ACAD9: variants seen among roughly 807,000 people sequenced by gnomAD.
ACAD9 encodes the protein acyl-CoA dehydrogenase family member 9.
Under a neutral mutation model 70.2 loss-of-function variants are expected in ACAD9, and 53 were observed. The observed-to-expected ratio is 0.75, with a 90% CI of 0.61 to 0.95. ACAD9 has a LOEUF of 0.95. Among genes scored for constraint, ACAD9 ranks in the 40% least tolerant of loss-of-function variants. The pLI is 0.00. For missense variants in ACAD9, 777 were observed against 802.8 expected (o/e 0.97, Z 0.39); for synonymous variants, 313 against 312.1 (o/e 1.00, Z -0.03).
chr3:128,904,383 C>G lies in ACAD9; in HGVS notation c.1030-3C>G. On this transcript the variant is annotated splice_polypyrimidine_tract_variant and splice_region_variant and intron_variant, in intron 10 of 17. Transcript: ENST00000308982. The stretch of plus-strand genomic sequence containing the variant: ...TTTCTTGTGTTTTTTCTGAACACTC[C>G]AGGAGAAATTTGCACTGATGGCTCA... 6.2e-7 allele frequency: 1 copy of G among 1,614,190 alleles called. No homozygotes were observed. Among genetic ancestry groups the G allele is most frequent in the Non-Finnish European group, 8.5e-7 (1 of 1,180,036 alleles).
intron 2 of ACAD9, among the ~76,000 whole-genome samples, chr3:128,891,190 T>G (rs1935411868): frequency 6.6e-6 from 1 of 152,192 alleles, no homozygotes. Context: ...ATGTAGTTAC[T>G]GATTCCAGGG....
chr3:128,895,957 G>A (rs562308355), intron 4 of ACAD9, among the ~76,000 whole-genome samples: 4 of 152,340 alleles, frequency 2.6e-5, no homozygotes, highest in South Asian at 2.1e-4. Flanking sequence ...TTAGTGAAGA[G>A]GGGGACTGTC....
intron 17 of ACAD9, among the ~76,000 whole-genome samples, chr3:128,911,035 A>G (rs183363486): frequency 1.5e-4 from 23 of 152,086 alleles, no homozygotes; most frequent in Non-Finnish European, 1.8e-4. Flanking sequence ...GTATGTATAT[A>G]TGTGTGTGTG....
In ACAD9 at chr3:128,899,338, A is replaced by C. The variant is rs1266176068; in HGVS notation, c.685A>C (p.Thr229Pro). The change falls in exon 7 of 18, where the codon ACT becomes CCT. Residue 229 changes from threonine (T) to proline (P), a missense_variant. Physicochemically the swap from Thr to Pro is conservative, Grantham distance 38. Coordinates refer to ENST00000308982, the MANE Select transcript of ACAD9 (RefSeq NM_014049.5). Reference protein sequence around the residue: ...LANIFTVFAKTEVVDSDGSVK... With the variant: ...LANIFTVFAKPEVVDSDGSVK... ...CAATATTTTTACTGTGTTTGCAAAG[A>C]CTGAGGTCGTTGATTCTGATGGATC... The C allele has an allele frequency of 4.3e-6, 7 of 1,614,272 alleles. No individual in the cohort carries two copies. Among genetic ancestry groups the C allele is most frequent in the Non-Finnish European group, 5.9e-6 (7 of 1,180,052 alleles).
intron 2 of ACAD9, among the ~76,000 whole-genome samples, chr3:128,890,788 C>T (rs1034508543): frequency 6.6e-6 from 1 of 151,794 alleles, no homozygotes; most frequent in Non-Finnish European, 1.5e-5. Flanking sequence ...TTACAATTTT[C>T]AATGTCTGCA....
At chr3:128,885,032 A>G (rs1232420216) in intron 2 of ACAD9, among the ~76,000 whole-genome samples, 2 of 152,260 alleles carry the variant, frequency 1.3e-5, no homozygotes, top group South Asian at 2.1e-4. Context: ...AAAAAATTAG[A>G]TGGCAAAAAG....
intron 11 of ACAD9, among the ~76,000 whole-genome samples, chr3:128,905,266 C>T (rs1344586446): frequency 6.6e-6 from 1 of 152,170 alleles, no homozygotes; most frequent in African/African-American, 2.4e-5. Context: ...TCCCTGCTAC[C>T]TGGGAGGCTG....
rs1935721606 is a variant in ACAD9 at position 128,901,017 on chromosome 3, A to G, written c.809-259A>G. On this transcript the variant is annotated intron_variant, in intron 7 of 17. Transcript: ENST00000308982. The stretch of plus-strand genomic sequence containing the variant: ...AATATTATTATCCACCCCCTTGCCA[A>G]CCTCCATTTCTCTTTATCGTGATGC... 2.0e-5 allele frequency among the ~76,000 whole-genome samples: 3 copies of G among 152,002 alleles called. No homozygotes were observed. The South Asian group carries it at 6.2e-4, about 32-fold the overall frequency.
rs2107664195 is a variant in ACAD9 at position 128,910,002 on chromosome 3, G to A, written c.1564-19G>A. The A allele has an allele frequency of 6.2e-7, 1 of 1,612,500 alleles. No individual in the cohort carries two copies. The highest frequency in any genetic ancestry group is 1.7e-5 in the Admixed American group (1 of 59,840). On this transcript the variant is annotated intron_variant, in intron 15 of 17. Coordinates refer to ENST00000308982, the MANE Select transcript of ACAD9 (RefSeq NM_014049.5). ...TGGTCTAGGTAGTGAGTCCCCACTT[G>A]GAGCCTCTGTGATCCCAGACCATCA... is the stretch of plus-strand genomic sequence containing the variant.
At chr3:128,893,765 T>C in intron 3 of ACAD9, 109 bp downstream of exon 3, 1 of 932,424 alleles carries the variant, frequency 1.1e-6, no homozygotes, top group Non-Finnish European at 1.7e-6. Context: ...CGTGGTGGGC[T>C]ACTTGGTAGG....
intron 2 of ACAD9, among the ~76,000 whole-genome samples, chr3:128,890,496 A>T (rs2107646401): frequency 6.6e-6 from 1 of 152,082 alleles, no homozygotes; most frequent in South Asian, 2.1e-4. Context: ...AGGTCAGGAG[A>T]TCGACACCAT....
In ACAD9 at chr3:128,893,603, T is replaced by C. The variant is rs1012004126; in HGVS notation, c.293T>C (p.Leu98Ser). ...DQEGKIPDET[L>S]EKLKSLGLFG... ...GAAGGGAAAATCCCAGATGAAACTT[T>C]GGAGAAATTGAAGAGCCTAGGGCTT... The change falls in exon 3 of 18, where the codon TTG (leucine) becomes TCG (serine). Residue 98 changes from leucine (L) to serine (S), a missense_variant. Coordinates refer to ENST00000308982, the MANE Select transcript of ACAD9 (RefSeq NM_014049.5). 3 of 1,614,188 alleles carry C rather than the reference T, an allele frequency of 1.9e-6. No individual in the cohort carries two copies. The highest frequency in any genetic ancestry group is 2.5e-6 in the Non-Finnish European group (3 of 1,180,018).
chr3:128,883,000 G>A (rs912615170), intron 1 of ACAD9, among the ~76,000 whole-genome samples: 1 of 151,990 alleles, frequency 6.6e-6, no homozygotes, highest in African/African-American at 2.4e-5. Flanking sequence ...CCAAGTGTCA[G>A]TGAGCCTCTG....
At chr3:128,911,966 C>T (rs544915059) in intron 17 of ACAD9, among the ~76,000 whole-genome samples, 8 of 152,342 alleles carry the variant, frequency 5.3e-5, no homozygotes, top group African/African-American at 1.4e-4. Context: ...TATAGCCACT[C>T]GACCATATCT....
chr3:128,887,932 T>C (rs1935301926), intron 2 of ACAD9, among the ~76,000 whole-genome samples: 1 of 152,068 alleles, frequency 6.6e-6, no homozygotes, highest in Non-Finnish European at 1.5e-5. Flanking sequence ...GCCACGGAAA[T>C]AGAGGCACTG....
chr3:128,891,732 T>C (rs1028522963), intron 2 of ACAD9, among the ~76,000 whole-genome samples: 5 of 152,272 alleles, frequency 3.3e-5, no homozygotes, highest in Non-Finnish European at 7.3e-5. Context: ...TGACTTCATA[T>C]TGCTTCAGAA....
chr3:128,902,598 G>T lies in ACAD9; in HGVS notation c.928G>T (p.Val310Phe). 2 of 1,614,168 alleles carry T rather than the reference G, an allele frequency of 1.2e-6. No homozygotes were observed. Among genetic ancestry groups the T allele is most frequent in the Non-Finnish European group, 1.7e-6 (2 of 1,180,020 alleles). ...LNSGRFSMGS[V>F]VAGLLKRLIE... ...CAGCGGCCGGTTCAGCATGGGCAGC[G>T]TCGTGGCTGGGCTGCTCAAGAGATT... Residue 310 changes from valine to phenylalanine, a missense_variant, in exon 9 of 18, where the codon GTC (valine) becomes TTC (phenylalanine). Transcript: ENST00000308982. The surrounding 1 kb of genome is among the most constrained non-coding windows in gnomAD (Gnocchi z 4.0).
chr3:128,888,162 T>C (rs528399504), intron 2 of ACAD9, among the ~76,000 whole-genome samples: 1 of 152,354 alleles, frequency 6.6e-6, no homozygotes, highest in East Asian at 1.9e-4. Context: ...AGGCCGTACA[T>C]AAATTCTGGG....
At chr3:128,903,441 T>C (rs1207509182) in intron 9 of ACAD9, among the ~76,000 whole-genome samples, 3 of 152,170 alleles carry the variant, frequency 2.0e-5, no homozygotes, top group Non-Finnish European at 2.9e-5. Context: ...CTGCTGGGGC[T>C]CTGAGTGGGG....
Sources: gnomAD v4.1 joint callset for allele counts (sites outside exome capture counted in the v4.1 genomes callset) on GRCh38, gnomAD v4.1.1 for gene constraint, Gnocchi (gnomAD v3.1) non-coding constraint, MANE v1.5 for transcripts, NCBI Gene and HGNC (gene_info 2026-07-23, HGNC 2026-07-21) for gene names.